Variants in DGLUCY observed in about 807,000 individuals in gnomAD.
DGLUCY encodes D-glutamate cyclase, also known as D-glutamate cyclase, mitochondrial.
Under a neutral mutation model 58.5 loss-of-function variants are expected in DGLUCY, and 58 were observed. The observed-to-expected ratio is 0.99, with a 90% CI of 0.80 to 1.23. The LOEUF is 1.23. Ranked by LOEUF, DGLUCY falls within the 50% of genes most tolerant of loss-of-function variation. The pLI, the probability that DGLUCY is intolerant of heterozygous loss-of-function variation, is 0.00. For missense variants in DGLUCY, 779 were observed against 784.7 expected (o/e 0.99, Z 0.09); for synonymous variants, 325 against 314.1 (o/e 1.03, Z -0.37).
intron 9 of DGLUCY, among the ~76,000 whole-genome samples, chr14:91,194,405 C>A (rs948719616): frequency 3.3e-5 from 5 of 152,174 alleles, no homozygotes; most frequent in Non-Finnish European, 7.3e-5. Flanking sequence ...GTCCCCCAAC[C>A]CCAAATTGCC....
At chr14:91,078,863 A>G (rs1280353524) in intron 1 of DGLUCY, among the ~76,000 whole-genome samples, 3 of 140,980 alleles carry the variant, frequency 2.1e-5, no homozygotes, top group Admixed American at 7.4e-5. Flanking sequence ...GTGTCTGTTT[A>G]TTTATTTTTA....
rs1212059046 is a variant in DGLUCY, at chr14:91,119,237, A to ACT, written c.-82+4954_-82+4955insCT. Among the ~76,000 whole-genome samples, 96 of 152,278 alleles carry ACT rather than the reference A, an allele frequency of 6.3e-4. 1 individual carries two copies. The highest frequency in any genetic ancestry group is 2.2e-3 in the African/African-American group (90 of 41,552). On this transcript the variant is annotated intron_variant, in intron 1 of 13. Transcript: ENST00000256324. ...TTGCTCCCTTTTCTGCATAGTCAAA[A>ACT]GTGACTCAACATCACCTTCACCTTC...
intron 8 of DGLUCY, among the ~76,000 whole-genome samples, chr14:91,188,316 CACGATCCAAT>C (rs1379865777): frequency 6.6e-6 from 1 of 152,170 alleles, no homozygotes; most frequent in African/African-American, 2.4e-5. Flanking sequence ...TCACTTCCAT[CACGATCCAAT>C]ACAGAGAACC....
At chr14:91,096,718 T>A (rs2044401456) in intron 1 of DGLUCY, among the ~76,000 whole-genome samples, 1 of 152,088 alleles carries the variant, frequency 6.6e-6, no homozygotes. Context: ...CTTCTGCACC[T>A]ACCAAGGTTT....
chr14:91,117,652 C>T (rs2045060506), intron 1 of DGLUCY, among the ~76,000 whole-genome samples: 1 of 144,194 alleles, frequency 6.9e-6, no homozygotes, highest in African/African-American at 2.6e-5. Flanking sequence ...CACATACACA[C>T]ACACACACAT....
upstream of DGLUCY, among the ~76,000 whole-genome samples, chr14:91,107,309 G>A (rs1185563260): frequency 3.3e-5 from 5 of 151,578 alleles, no homozygotes; most frequent in Middle Eastern, 3.4e-3. Context: ...ATCTGAGGTC[G>A]GGAGTTCGAG....
At chr14:91,162,883 G>A (rs1257344122) in intron 3 of DGLUCY, among the ~76,000 whole-genome samples, 2 of 144,256 alleles carry the variant, frequency 1.4e-5, no homozygotes, top group African/African-American at 5.1e-5. Flanking sequence ...GGCGACAAGA[G>A]CGAAACTCTG....
chr14:91,220,306 G>A (rs1456810999), intron 13 of DGLUCY: 4 of 362,564 alleles, frequency 1.1e-5, no homozygotes, highest in Non-Finnish European at 2.2e-5. Flanking sequence ...TTGGAAGATG[G>A]AATGAGTCCC....
intron 1 of DGLUCY, among the ~76,000 whole-genome samples, chr14:91,142,867 A>T (rs2046794786): frequency 1.3e-5 from 2 of 149,642 alleles, no homozygotes; most frequent in South Asian, 4.3e-4. Flanking sequence ...ACACACACAC[A>T]CACACACACA....
chr14:91,220,889 A>G (rs1278200888), intron 13 of DGLUCY: 2 of 350,614 alleles, frequency 5.7e-6, no homozygotes, highest in African/African-American at 2.1e-5. Flanking sequence ...GGAGTGGGCA[A>G]GCCAATGCCA....
intron 1 of DGLUCY, among the ~76,000 whole-genome samples, chr14:91,089,986 A>G (rs1263530683): frequency 6.6e-6 from 1 of 152,206 alleles, no homozygotes; most frequent in Admixed American, 6.5e-5. Context: ...TATGCACCCT[A>G]CATACAACCC....
In DGLUCY at chr14:91,090,161, G is replaced by A. The variant is rs964927846; in HGVS notation, c.-82+29457G>A. ...CTCACTGGCTGAGCACGCTTTCATT[G>A]CACCGCCACAGGGAGGAAAACACCT... On this transcript the variant is annotated intron_variant, in intron 1 of 4. Transcript: ENST00000521334. Among the ~76,000 whole-genome samples, 3 of 152,134 alleles carry A rather than the reference G, an allele frequency of 2.0e-5. No individual in the cohort carries two copies. The East Asian group carries it at 5.8e-4, about 29-fold the overall frequency.
At chr14:91,093,083 C>CAA (rs1157463939) in intron 1 of DGLUCY, among the ~76,000 whole-genome samples, 4 of 57,682 alleles carry the variant, frequency 6.9e-5, no homozygotes, top group Admixed American at 1.9e-4. Context: ...AACTCAGTCT[C>CAA]AAAAAAAAAA....
intron 8 of DGLUCY, 100 bp downstream of exon 8, chr14:91,181,489 A>T (rs2049164682): frequency 1.7e-6 from 2 of 1,179,274 alleles, no homozygotes; most frequent in Non-Finnish European, 2.4e-6. Context: ...GGGATGCAAA[A>T]TGTATCCACA....
At chr14:91,091,711 C>T (rs987084245) in intron 1 of DGLUCY, among the ~76,000 whole-genome samples, 34 of 152,146 alleles carry the variant, frequency 2.2e-4, no homozygotes, top group Admixed American at 5.9e-4. Context: ...AGGGCAAAGA[C>T]GCCCAGGTGC....
intron 11 of DGLUCY, 37 bp downstream of exon 11, chr14:91,199,942 G>T: frequency 6.2e-7 from 1 of 1,611,722 alleles, no homozygotes; most frequent in Non-Finnish European, 8.5e-7. Flanking sequence ...CAAGAACGTG[G>T]CCCCATGAAG....
At chr14:91,152,270 G>A (rs2047377865) in intron 1 of DGLUCY, among the ~76,000 whole-genome samples, 1 of 152,140 alleles carries the variant, frequency 6.6e-6, no homozygotes, top group Non-Finnish European at 1.5e-5. Context: ...GTGCATGCCT[G>A]TGGTGGTCCC....
intron 9 of DGLUCY, among the ~76,000 whole-genome samples, chr14:91,191,362 G>A (rs569692413): frequency 6.6e-6 from 1 of 152,134 alleles, no homozygotes; most frequent in Admixed American, 6.5e-5. Context: ...AGAAAGTTCT[G>A]GAGATGAATG....
intron 13 of DGLUCY, among the ~76,000 whole-genome samples, chr14:91,219,689 G>T (rs540965785): frequency 6.6e-6 from 1 of 152,364 alleles, no homozygotes; most frequent in East Asian, 1.9e-4. Flanking sequence ...TCTGGCCCTT[G>T]GCCCAGGGGC....
Sources: gnomAD v4.1 joint callset for allele counts (sites outside exome capture counted in the v4.1 genomes callset) on GRCh38, gnomAD v4.1.1 for gene constraint, MANE v1.5 for transcripts, NCBI Gene and HGNC (gene_info 2026-07-23, HGNC 2026-07-21) for gene names.